The following CR1 variants were observed in gnomAD, a reference collection of about 807,000 sequenced individuals.
CR1 encodes the protein complement receptor type 1.
A neutral mutation model predicts 187.3 loss-of-function variants in CR1; 116 were observed. The ratio of observed to expected loss-of-function variants is 0.62; its 90% CI spans 0.53 to 0.72. CR1 has a LOEUF of 0.72. Among genes scored for constraint, CR1 ranks in the 30% least tolerant of loss-of-function variants. CR1 has a pLI of 0.00. For synonymous variants in CR1, 576 were observed against 747.1 expected, an observed-to-expected ratio of 0.77 and a Z score of 3.73; for missense variants, 1,731 against 2,110.7, an observed-to-expected ratio of 0.82 and a Z score of 3.52.
chr1:207,593,485 A>C (rs1661338583), intron 35 of CR1, among the ~76,000 whole-genome samples: 1 of 152,258 alleles, frequency 6.6e-6, no homozygotes, highest in African/African-American at 2.4e-5. Context: ...CTTAAATGTA[A>C]GACCTAAAAC....
intron 5 of CR1, among the ~76,000 whole-genome samples, chr1:207,525,268 C>T (rs1280525398): frequency 1.3e-5 from 2 of 151,470 alleles, no homozygotes; most frequent in African/African-American, 2.4e-5. Flanking sequence ...CAAATCATAT[C>T]GCAGCTAATA....
intron 28 of CR1, among the ~76,000 whole-genome samples, chr1:207,576,187 C>T (rs1288975187): frequency 3.3e-5 from 5 of 152,280 alleles, no homozygotes; most frequent in Non-Finnish European, 7.3e-5. Context: ...TGCAAGCTAA[C>T]AGGGAATATA....
At position 207,633,211 on chromosome 1, in the gene CR1, A is replaced by G. The variant is rs116190805; in HGVS notation, c.7457+2590A>G. ...CCAAACAACTCTAGTCCAAAATGAT[A>G]TCTCTCTTTGAAACTCACATTTCCT... On this transcript the variant is annotated intron_variant, in intron 46 of 46. Transcript: ENST00000367049. 7.9e-3 allele frequency among the ~76,000 whole-genome samples: 1,196 copies of G among 152,330 alleles called. 22 individuals carry two copies. The highest frequency in any genetic ancestry group is 0.027 in the African/African-American group (1,131 of 41,572).
At chr1:207,578,493 A>G (rs997251745) in intron 29 of CR1, among the ~76,000 whole-genome samples, 1 of 152,236 alleles carries the variant, frequency 6.6e-6, no homozygotes, top group African/African-American at 2.4e-5. Context: ...GTATATTGAA[A>G]AATTATATGG....
At chr1:207,632,924 G>A (rs747865101) in intron 46 of CR1, among the ~76,000 whole-genome samples, 8 of 152,052 alleles carry the variant, frequency 5.3e-5, no homozygotes, top group Non-Finnish European at 1.0e-4. Context: ...CTATCAGAGT[G>A]CTATGGGGGA....
chr1:207,573,976 T>C lies in CR1; in HGVS notation c.4452-1619T>C, dbSNP rs1487814212. ...ACAAAAACCCATCTCTACAAAAAAGTATAAAAATTAGCTGGGCATGGCAGC... is the reference window on the plus strand; with the variant it reads ...ACAAAAACCCATCTCTACAAAAAAGCATAAAAATTAGCTGGGCATGGCAGC... On this transcript the variant is annotated intron_variant, in intron 27 of 46. Transcript: ENST00000367049. Among the ~76,000 whole-genome samples, 8 of 151,620 alleles carry C rather than the reference T, an allele frequency of 5.3e-5. No individual in the cohort carries two copies. The South Asian group carries it at 6.2e-4, about 12-fold the overall frequency.
At chr1:207,505,845 A>G in intron 1 of CR1, 59 bp from the exon 2 acceptor site, 1 of 1,556,444 alleles carries the variant, frequency 6.4e-7, no homozygotes, top group Non-Finnish European at 8.7e-7. Context: ...CAAAAAAGAA[A>G]AAAAAAAGTA....
chr1:207,498,028 C>T (rs1433654223), intron 1 of CR1, among the ~76,000 whole-genome samples: 2 of 152,300 alleles, frequency 1.3e-5, no homozygotes, highest in African/African-American at 4.8e-5. Context: ...AGGAAGCCAG[C>T]GTTCTGCTTT....
chr1:207,511,047 C>T (rs1659598822), intron 3 of CR1, among the ~76,000 whole-genome samples: 1 of 152,012 alleles, frequency 6.6e-6, no homozygotes, highest in African/African-American at 2.4e-5. Context: ...GTCTCGAACT[C>T]CTGAGCTCAA....
chr1:207,586,541 A>G (rs1661116785), intron 33 of CR1, among the ~76,000 whole-genome samples: 1 of 152,242 alleles, frequency 6.6e-6, no homozygotes, highest in Non-Finnish European at 1.5e-5. Flanking sequence ...GTGGCTTAAA[A>G]CAAAAGAAAC....
Position 207,523,983 on chromosome 1 carries a change from A to T in CR1, c.860A>T (p.Glu287Val). 6.2e-7 allele frequency: 1 copy of T among 1,611,768 alleles called. No individual in the cohort carries two copies. The highest frequency in any genetic ancestry group is 8.5e-7 in the Non-Finnish European group (1 of 1,179,722). The change falls in exon 5 of 47, where the codon GAG becomes GTG. Residue 287 changes from glutamate to valine, a missense_variant. Glu to Val is a moderately radical substitution (Grantham distance 121). This residue lies in a region of CR1 where 131 missense variants were observed against 196.8 expected (regional missense o/e 0.67). Coordinates refer to ENST00000367049, the MANE Select transcript of CR1 (RefSeq NM_000651.6). ...RVKCQALNKW[E>V]PELPSCSRVC... ...AAGTGCCAGGCCCTGAACAAATGGG[A>T]GCCGGAGCTACCAAGCTGCTCCAGG... is the stretch of plus-strand genomic sequence containing the variant.
rs1369074955 is a variant in CR1, at chr1:207,618,181, G to T, written c.7000G>T (p.Val2334Leu). The change falls in exon 42 of 47, where the codon GTG becomes TTG. Residue 2334 changes from valine to leucine, a missense_variant. This residue lies in a region of CR1 where 1,312 missense variants were observed against 1,379.6 expected (regional missense o/e 0.95). Transcript: ENST00000367049. Reference sequence around the variant, plus strand: ...CATTTGTGACCCCGGCTACCTGTTAGTGGGAAAGGGCTTCATTTTCTGTAC... The same window carrying T: ...CATTTGTGACCCCGGCTACCTGTTATTGGGAAAGGGCTTCATTTTCTGTAC... ...SYICDPGYLL[V>L]GKGFIFCTDQ... 1 of 1,613,736 alleles carries T rather than the reference G, an allele frequency of 6.2e-7. No individual in the cohort carries two copies. Among genetic ancestry groups the T allele is most frequent in the African/African-American group, 1.3e-5 (1 of 74,920 alleles).
At chr1:207,573,761 A>G (rs1467727055) in intron 27 of CR1, among the ~76,000 whole-genome samples, 6 of 152,234 alleles carry the variant, frequency 3.9e-5, no homozygotes, top group Non-Finnish European at 8.8e-5. Flanking sequence ...ATATATCACA[A>G]TGAATATTGC....
intron 41 of CR1, among the ~76,000 whole-genome samples, chr1:207,617,792 G>C (rs1662193489): frequency 2.0e-5 from 3 of 151,388 alleles, no homozygotes; most frequent in African/African-American, 7.3e-5. Context: ...AGTAAGGACA[G>C]AACAGCACTG....
At chr1:207,577,727 C>T in intron 28 of CR1, 78 bp from the exon 29 acceptor site, 3 of 1,579,698 alleles carry the variant, frequency 1.9e-6, no homozygotes, top group Non-Finnish European at 1.7e-6. Flanking sequence ...CATGATTGTG[C>T]CACTGCACTC....
intron 24 of CR1, among the ~76,000 whole-genome samples, chr1:207,567,449 G>T (rs1378894690): frequency 1.3e-5 from 2 of 150,214 alleles, no homozygotes; most frequent in Admixed American, 1.3e-4. Flanking sequence ...TCCTTCCTCA[G>T]CGCTGTGTCC....
intron 4 of CR1, among the ~76,000 whole-genome samples, chr1:207,521,161 G>C (rs12091467): frequency 6.6e-6 from 1 of 151,820 alleles, no homozygotes; most frequent in Non-Finnish European, 1.5e-5. Context: ...CCTTTTAGTA[G>C]AGATGGGTTT....
chr1:207,634,587 A>C (rs1662754576), intron 46 of CR1, among the ~76,000 whole-genome samples: 1 of 151,848 alleles, frequency 6.6e-6, no homozygotes, highest in African/African-American at 2.4e-5. Flanking sequence ...GAGAACGAAG[A>C]TGAGGAATCT....
chr1:207,504,237 G>A (rs1659360691), intron 1 of CR1, among the ~76,000 whole-genome samples: 1 of 152,092 alleles, frequency 6.6e-6, no homozygotes. Context: ...TTCAAAATAA[G>A]CATTTATATA....
Sources: gnomAD v4.1 joint callset for allele counts (sites outside exome capture counted in the v4.1 genomes callset) on GRCh38, gnomAD v4.1.1 for gene constraint, gnomAD v4.1.1 regional missense constraint, MANE v1.5 for transcripts, NCBI Gene and HGNC (gene_info 2026-07-23, HGNC 2026-07-21) for gene names.